VRK2: variants seen among roughly 807,000 people sequenced by gnomAD.
VRK2 encodes the protein VRK serine/threonine kinase 2, also known as serine/threonine-protein kinase VRK2.
Under a neutral mutation model 57.6 loss-of-function variants are expected in VRK2, and 60 were observed. The observed-to-expected ratio is 1.04, with a 90% CI of 0.85 to 1.29. The LOEUF is 1.29. Among genes scored for constraint, VRK2 ranks in the 50% most tolerant of loss-of-function variants. The pLI is 0.00. For synonymous variants in VRK2, 231 were observed against 199.2 expected (o/e 1.16, Z -1.35); for missense variants, 705 against 588.1 (o/e 1.20, Z -2.06).
At chr2:58,081,042 A>G (rs1670789108) in intron 2 of VRK2, among the ~76,000 whole-genome samples, 1 of 151,964 alleles carries the variant, frequency 6.6e-6, no homozygotes, top group East Asian at 1.9e-4. Context: ...TACTTAAGGA[A>G]CTCAGAATAC....
chr2:58,006,225 G>A lies in VRK2; in HGVS notation c.-438-19440G>A, dbSNP rs547814119. Among the ~76,000 whole-genome samples, 83 of 152,312 alleles carry A rather than the reference G, an allele frequency of 5.4e-4. 1 individual carries two copies. The highest frequency in any genetic ancestry group is 1.9e-3 in the African/African-American group (79 of 41,576). On this transcript the variant is annotated intron_variant, in intron 1 of 15. Transcript: ENST00000417641. ...AAAGGCAAATAATGTTGGATCAGGC[G>A]TATTGGCATAGAGTCACTGAGCAGA...
At chr2:57,969,735 G>C (rs966708104) in intron 1 of VRK2, among the ~76,000 whole-genome samples, 1 of 152,036 alleles carries the variant, frequency 6.6e-6, no homozygotes, top group Non-Finnish European at 1.5e-5. Flanking sequence ...AGAAACAAAA[G>C]CCTTGAGCTG....
chr2:58,037,956 T>C (rs184569806), intron 3 of VRK2, among the ~76,000 whole-genome samples: 2 of 152,182 alleles, frequency 1.3e-5, no homozygotes, highest in African/African-American at 4.8e-5. Flanking sequence ...ACAGGCAGTG[T>C]AGCAAGTATT....
chr2:57,965,840 C>T (rs879643028), intron 1 of VRK2, among the ~76,000 whole-genome samples: 2 of 152,120 alleles, frequency 1.3e-5, no homozygotes, highest in Non-Finnish European at 2.9e-5. Context: ...CTTCATTGGT[C>T]ATACCCTTAT....
At chr2:57,914,931 A>G (rs1422222565) in intron 1 of VRK2, among the ~76,000 whole-genome samples, 1 of 152,084 alleles carries the variant, frequency 6.6e-6, no homozygotes, top group Non-Finnish European at 1.5e-5. Flanking sequence ...TGATTGGATT[A>G]TAAAATATTT....
At chr2:57,931,979 C>A (rs1306617479) in intron 1 of VRK2, among the ~76,000 whole-genome samples, 1 of 151,932 alleles carries the variant, frequency 6.6e-6, no homozygotes, top group East Asian at 1.9e-4. Flanking sequence ...TTGATCTATA[C>A]GTCTGTTTTT....
chr2:57,909,312 T>A (rs1487701171), intron 1 of VRK2, among the ~76,000 whole-genome samples: 1 of 152,178 alleles, frequency 6.6e-6, no homozygotes. Flanking sequence ...CACCCACCTA[T>A]TATTATAAAC....
chr2:58,072,408 T>A (rs888945444), intron 2 of VRK2, among the ~76,000 whole-genome samples: 5 of 151,962 alleles, frequency 3.3e-5, no homozygotes, highest in Non-Finnish European at 7.4e-5. Flanking sequence ...ATGGTTTTAT[T>A]TGTAGATTTT....
At chr2:58,046,683 G>A, upstream of VRK2, 1 of 985,598 alleles carries the variant, frequency 1.0e-6, no homozygotes, top group Non-Finnish European at 1.2e-6. Flanking sequence ...GCCTGTGTGA[G>A]GCTCCGCGGG....
At chr2:58,048,369 A>C (rs1361148401) in intron 1 of VRK2, among the ~76,000 whole-genome samples, 1 of 152,142 alleles carries the variant, frequency 6.6e-6, no homozygotes, top group Non-Finnish European at 1.5e-5. Context: ...GTCCATTGCC[A>C]TTGTCTGTGT....
intron 1 of VRK2, among the ~76,000 whole-genome samples, chr2:57,971,719 T>G (rs1252548317): frequency 6.6e-6 from 1 of 151,844 alleles, no homozygotes; most frequent in Non-Finnish European, 1.5e-5. Context: ...CATTTAGGGT[T>G]GAAAATTTAT....
At chr2:58,046,767 G>A (rs1674801708), upstream of VRK2, 1 of 985,402 alleles carries the variant, frequency 1.0e-6, no homozygotes, top group African/African-American at 1.7e-5. Flanking sequence ...CGAGTGCTGG[G>A]CCCGCCTCCC....
intron 1 of VRK2, among the ~76,000 whole-genome samples, chr2:58,010,609 G>A (rs778304498): frequency 5.9e-5 from 9 of 152,036 alleles, no homozygotes; most frequent in Non-Finnish European, 1.0e-4. Context: ...TTGGAAAATC[G>A]GGGTATGCAG....
intron 1 of VRK2, among the ~76,000 whole-genome samples, chr2:57,913,000 C>T (rs1158242726): frequency 2.0e-5 from 3 of 152,146 alleles, no homozygotes; most frequent in Non-Finnish European, 2.9e-5. Flanking sequence ...GTCTATGAAC[C>T]AGGAAGTGGG....
At chr2:58,125,322 T>A (rs540536809) in intron 8 of VRK2, among the ~76,000 whole-genome samples, 29 of 152,260 alleles carry the variant, frequency 1.9e-4, no homozygotes, top group Admixed American at 1.0e-3. Context: ...TTTCATTGTT[T>A]AGGGTGTCGT....
At chr2:57,982,506 G>T (rs959952827) in intron 1 of VRK2, among the ~76,000 whole-genome samples, 1 of 152,198 alleles carries the variant, frequency 6.6e-6, no homozygotes, top group African/African-American at 2.4e-5. Flanking sequence ...AAGGCTGCAT[G>T]CAGGTATGCA....
chr2:58,081,649 A>G (rs1184795736), intron 2 of VRK2, among the ~76,000 whole-genome samples: 1 of 151,800 alleles, frequency 6.6e-6, no homozygotes, highest in Admixed American at 6.6e-5. Flanking sequence ...ACTTTTTTGG[A>G]TAACTCAAGG....
intron 1 of VRK2, among the ~76,000 whole-genome samples, chr2:58,016,976 T>C (rs1462467840): frequency 6.6e-6 from 1 of 152,158 alleles, no homozygotes; most frequent in Admixed American, 6.5e-5. Context: ...AACAAGAAAT[T>C]ATAGGGGTTT....
chr2:58,064,524 G>C (rs537939209), intron 2 of VRK2, among the ~76,000 whole-genome samples: 1 of 152,186 alleles, frequency 6.6e-6, no homozygotes, highest in South Asian at 2.1e-4. Context: ...AGATACTGCT[G>C]TTGTACCCTT....
Sources: allele counts gnomAD v4.1 joint callset (sites outside exome capture counted in the v4.1 genomes callset), GRCh38; gene constraint gnomAD v4.1.1; transcripts MANE v1.5; gene names NCBI Gene and HGNC (gene_info 2026-07-23, HGNC 2026-07-21).